CHCHD3: variants seen among roughly 807,000 people sequenced by gnomAD.
The protein encoded by CHCHD3 is MICOS complex subunit MIC19.
Under a neutral mutation model 38.2 loss-of-function variants are expected in CHCHD3, and 20 were observed. That is an observed-to-expected ratio of 0.52 (90% CI 0.37 to 0.76). CHCHD3 has a LOEUF of 0.76. Ranked by LOEUF, CHCHD3 falls within the 30% of genes least tolerant of loss-of-function variation. CHCHD3 has a pLI of 0.00. For synonymous variants in CHCHD3, 82 were observed against 100.0 expected (o/e 0.82, Z 1.07); for missense variants, 245 against 279.2 (o/e 0.88, Z 0.87).
chr7:132,897,327 G>A (rs904612345), intron 4 of CHCHD3, among the ~76,000 whole-genome samples: 4 of 152,164 alleles, frequency 2.6e-5, no homozygotes, highest in Admixed American at 6.5e-5. Flanking sequence ...GACAATTACC[G>A]CACAACTTCT....
rs535660826 is a variant in CHCHD3, at chr7:132,998,035, A to T, written c.252-22749T>A. On this transcript the variant is annotated intron_variant, in intron 3 of 7. Transcript: ENST00000262570. ...ATGTATAGCAGATGTTACACAGAAGATGAATATTCATTATATCTGGCTTCC... is the reference window on the plus strand; with the variant it reads ...ATGTATAGCAGATGTTACACAGAAGTTGAATATTCATTATATCTGGCTTCC... Among the ~76,000 whole-genome samples the T allele has an allele frequency of 6.6e-4, 101 of 152,342 alleles. 1 individual carries two copies. In the South Asian group the frequency reaches 0.019, roughly 29 times the overall value.
At chr7:132,911,841 T>C (rs1025637701) in intron 4 of CHCHD3, among the ~76,000 whole-genome samples, 1 of 152,218 alleles carries the variant, frequency 6.6e-6, no homozygotes, top group Admixed American at 6.5e-5. Flanking sequence ...ATGAGTGAGA[T>C]CACTAAATAT....
intron 5 of CHCHD3, among the ~76,000 whole-genome samples, chr7:132,872,007 G>A (rs1326184456): frequency 6.6e-6 from 1 of 152,240 alleles, no homozygotes; most frequent in African/African-American, 2.4e-5. Flanking sequence ...CAAGCATGGA[G>A]ATCTCCTAGG....
intron 6 of CHCHD3, among the ~76,000 whole-genome samples, chr7:132,835,177 T>C (rs1287256534): frequency 6.6e-6 from 1 of 151,076 alleles, no homozygotes; most frequent in East Asian, 1.9e-4. Context: ...AGACAGGGAT[T>C]CACCATGTTG....
intron 5 of CHCHD3, among the ~76,000 whole-genome samples, chr7:132,864,205 A>G (rs541428017): frequency 6.6e-6 from 1 of 152,280 alleles, no homozygotes; most frequent in African/African-American, 2.4e-5. Context: ...CTTCCTTTCA[A>G]TTGAACACTC....
intron 2 of CHCHD3, among the ~76,000 whole-genome samples, chr7:133,064,782 A>C (rs777978248): frequency 5.9e-5 from 9 of 152,214 alleles, no homozygotes; most frequent in Non-Finnish European, 1.2e-4. Flanking sequence ...GATGATAATA[A>C]AAGTTAGGTC....
At chr7:132,925,343 G>A (rs1478872536) in intron 4 of CHCHD3, among the ~76,000 whole-genome samples, 1 of 152,168 alleles carries the variant, frequency 6.6e-6, no homozygotes, top group Non-Finnish European at 1.5e-5. Context: ...GAAACATCAT[G>A]CATTAACCTG....
At chr7:132,813,625 T>C (rs1252303068) in intron 6 of CHCHD3, 2 of 152,196 alleles carry the variant, frequency 1.3e-5, no homozygotes, top group Non-Finnish European at 2.9e-5. Context: ...TTTCTGCAGG[T>C]TATTCTGGGA....
chr7:133,069,906 T>C (rs1160041702), intron 2 of CHCHD3, among the ~76,000 whole-genome samples: 1 of 152,204 alleles, frequency 6.6e-6, no homozygotes, highest in East Asian at 1.9e-4. Context: ...CAAAGCCTAG[T>C]AGAGGATTCA....
intron 6 of CHCHD3, among the ~76,000 whole-genome samples, chr7:132,822,705 A>G (rs111426371): frequency 8.5e-5 from 13 of 152,196 alleles, no homozygotes; most frequent in African/African-American, 2.2e-4. Context: ...AACAGTCACA[A>G]TTCAAACCCC....
chr7:132,931,087 T>C (rs1367652808), intron 4 of CHCHD3, among the ~76,000 whole-genome samples: 1 of 152,218 alleles, frequency 6.6e-6, no homozygotes, highest in African/African-American at 2.4e-5. Context: ...CAGCACACTC[T>C]TGTGGAAAAA....
intron 4 of CHCHD3, among the ~76,000 whole-genome samples, chr7:132,895,997 T>C (rs1387816461): frequency 6.6e-6 from 1 of 152,246 alleles, no homozygotes; most frequent in African/African-American, 2.4e-5. Flanking sequence ...ATATGAATCA[T>C]TTTGTACTGG....
chr7:133,028,711 CCT>C lies in CHCHD3; in HGVS notation c.170-4086_170-4085del, dbSNP rs955765599. On this transcript the variant is annotated intron_variant, in intron 2 of 7. Transcript: ENST00000262570. ...ACCAGCCTGACCAACATGGTGAAAC[CCT>C]GTCTCTACTACAAATACAAAAATTA... Among the ~76,000 whole-genome samples the C allele has an allele frequency of 2.3e-4, 35 of 152,142 alleles. 1 individual carries two copies. Among genetic ancestry groups the C allele is most frequent in the Admixed American group, 2.1e-3 (32 of 15,274 alleles).
intron 3 of CHCHD3, among the ~76,000 whole-genome samples, chr7:133,023,423 G>GT (rs1337353965): frequency 6.6e-6 from 1 of 152,110 alleles, no homozygotes; most frequent in Non-Finnish European, 1.5e-5. Flanking sequence ...AAATTATATG[G>GT]TGAAGGTCCT....
At chr7:132,843,066 C>A (rs2117102833) in intron 5 of CHCHD3, among the ~76,000 whole-genome samples, 1 of 152,292 alleles carries the variant, frequency 6.6e-6, no homozygotes, top group Non-Finnish European at 1.5e-5. Flanking sequence ...AAGATGGAAT[C>A]TCACTCTTTC....
chr7:132,983,985 C>CACGG (rs1554397326), intron 3 of CHCHD3, among the ~76,000 whole-genome samples: 3 of 73,408 alleles, frequency 4.1e-5, no homozygotes, highest in African/African-American at 1.7e-4. Flanking sequence ...CCTCTCCCTC[C>CACGG]TCTCCCTCTC....
intron 6 of CHCHD3, among the ~76,000 whole-genome samples, chr7:132,811,968 C>T (rs1465645029): frequency 1.3e-5 from 2 of 152,110 alleles, no homozygotes; most frequent in Non-Finnish European, 2.9e-5. Context: ...CTGACTATTG[C>T]TATTTACGTG....
rs185995207 is a variant in CHCHD3 at position 133,063,695 on chromosome 7, G to A, written c.169+6447C>T. Among the ~76,000 whole-genome samples, 482 of 152,182 alleles carry A rather than the reference G, an allele frequency of 3.2e-3. 3 individuals are homozygous for A. In the South Asian group the frequency reaches 0.037, roughly 12 times the overall value. ...AAGAAAACCAGCACTATATCTTTAC[G>A]AATAAAAATGTTACTAATATCTGGG... is the stretch of plus-strand genomic sequence containing the variant. On this transcript the variant is annotated intron_variant, in intron 2 of 7. Coordinates refer to ENST00000262570, the MANE Select transcript of CHCHD3 (RefSeq NM_017812.4).
At chr7:132,876,011 C>G (rs1467274957) in intron 5 of CHCHD3, among the ~76,000 whole-genome samples, 1 of 152,224 alleles carries the variant, frequency 6.6e-6, no homozygotes, top group Non-Finnish European at 1.5e-5. Flanking sequence ...AGACGCACAG[C>G]TGTCTCATGG....
Sources: gnomAD v4.1 joint callset for allele counts (sites outside exome capture counted in the v4.1 genomes callset) on GRCh38, gnomAD v4.1.1 for gene constraint, MANE v1.5 for transcripts, NCBI Gene and HGNC (gene_info 2026-07-23, HGNC 2026-07-21) for gene names.